CACNA1G: variants seen among roughly 807,000 people sequenced by gnomAD.
CACNA1G encodes voltage-dependent T-type calcium channel subunit alpha-1G.
In CACNA1G, 67 loss-of-function variants were observed where a neutral mutation model predicts 219.4. The ratio of observed to expected loss-of-function variants is 0.31; its 90% confidence interval spans 0.25 to 0.37. The LOEUF (loss-of-function observed/expected upper bound fraction) is 0.37. CACNA1G is among the 10% of genes least tolerant of loss of function. The pLI is 1.00. For missense variants in CACNA1G, 2,380 were observed against 3,231.4 expected (o/e 0.74, Z 6.39); for synonymous variants, 1,296 against 1,345.3 (o/e 0.96, Z 0.80).
At chr17:50,602,064 C>T (rs937932427) in intron 19 of CACNA1G, among the ~76,000 whole-genome samples, 1 of 152,164 alleles carries the variant, frequency 6.6e-6, no homozygotes, top group African/African-American at 2.4e-5. Flanking sequence ...AAGGCAGGGG[C>T]GCTGGCTGCA....
Position 50,596,891 on chromosome 17 carries a change from G to T in CACNA1G, c.3226G>T (p.Glu1076Ter). 1 of 1,582,114 alleles carries T rather than the reference G, an allele frequency of 6.3e-7. No individual in the cohort carries two copies. The highest frequency in any genetic ancestry group is 1.1e-5 in the South Asian group (1 of 87,390). ...CCGCACCAGCAGCAGCGGGTCGGCAGAGCCTGGGGCGGCCCACGAGATGAA... is the reference window on the plus strand; with the variant it reads ...CCGCACCAGCAGCAGCGGGTCGGCATAGCCTGGGGCGGCCCACGAGATGAA... The part of the protein sequence containing the change: ...SRRTSSSGSA[E>*]PGAAHEMKSP... The change falls in exon 16 of 38, where the codon GAG becomes TAG. Residue 1076 changes from glutamate to a stop codon, truncating the protein, a stop_gained. Coordinates refer to ENST00000359106, the MANE Select transcript of CACNA1G (RefSeq NM_018896.5). LOFTEE classifies it high-confidence loss of function. This position sits in a 1 kb window ranked among gnomAD's most constrained non-coding sequence, Gnocchi z 4.8.
At chr17:50,622,628 G>A (rs1052768459) in intron 35 of CACNA1G, among the ~76,000 whole-genome samples, 2 of 152,274 alleles carry the variant, frequency 1.3e-5, no homozygotes, top group East Asian at 3.9e-4. Context: ...CCTGCATGGC[G>A]ACAGGGCCCC....
In CACNA1G at chr17:50,618,523, G is replaced by GC. The variant is rs920072438; in HGVS notation, c.5428-127dup. 1.9e-6 allele frequency: 2 copies of GC among 1,042,886 alleles called. No individual in the cohort carries two copies. The highest frequency in any genetic ancestry group is 1.6e-5 in the African/African-American group (1 of 63,698). The allele number at this position is 1,042,886 out of a possible 1,614,324, so 64.6% of individuals were successfully genotyped here. On this transcript the variant is annotated intron_variant, in intron 32 of 37. Coordinates refer to ENST00000359106, the MANE Select transcript of CACNA1G (RefSeq NM_018896.5). This position sits in a 1 kb window ranked among gnomAD's most constrained non-coding sequence, Gnocchi z 5.3. ...TGACTCACACTTGTAGTGCTCCTCTGCCCCCAAACACTCCCTCCTCCTCCC... is the reference window on the plus strand; with the variant it reads ...TGACTCACACTTGTAGTGCTCCTCTGCCCCCCAAACACTCCCTCCTCCTCCC...
intron 9 of CACNA1G, among the ~76,000 whole-genome samples, chr17:50,584,306 T>C (rs2042576872): frequency 6.6e-6 from 1 of 151,932 alleles, no homozygotes; most frequent in African/African-American, 2.4e-5. Context: ...GACTGAACTC[T>C]GAGGAATGCT....
At chr17:50,595,530 G>A (rs2045365410) in intron 14 of CACNA1G, among the ~76,000 whole-genome samples, 1 of 152,228 alleles carries the variant, frequency 6.6e-6, no homozygotes, top group Non-Finnish European at 1.5e-5. Flanking sequence ...TCTCAGCTCA[G>A]GACAAGTCCT....
chr17:50,574,405 G>A (rs750747544), intron 7 of CACNA1G, among the ~76,000 whole-genome samples: 4 of 152,260 alleles, frequency 2.6e-5, no homozygotes, highest in Non-Finnish European at 5.9e-5. Flanking sequence ...GAAAGAGCAA[G>A]TCCCCAAGGC....
intron 1 of CACNA1G, among the ~76,000 whole-genome samples, chr17:50,567,765 G>T (rs943115390): frequency 6.6e-6 from 1 of 152,148 alleles, no homozygotes; most frequent in Admixed American, 6.5e-5. Context: ...TTAACCGTGA[G>T]TCCAGTGCCT....
intron 19 of CACNA1G, among the ~76,000 whole-genome samples, chr17:50,601,642 T>C (rs1568119236): frequency 6.6e-6 from 1 of 152,184 alleles, no homozygotes. Context: ...TCACTTCTGC[T>C]TGGCTGCGAA....
intron 9 of CACNA1G, among the ~76,000 whole-genome samples, chr17:50,584,515 T>G (rs2042613741): frequency 6.6e-6 from 1 of 151,634 alleles, no homozygotes; most frequent in African/African-American, 2.4e-5. Flanking sequence ...CACAGAAGCT[T>G]TCTGCTTTTA....
intron 9 of CACNA1G, among the ~76,000 whole-genome samples, chr17:50,580,260 TGGCAGTGGGGGGTG>T (rs2041658382): frequency 6.6e-6 from 1 of 152,102 alleles, no homozygotes. Flanking sequence ...GCCAGATTGG[TGGCAGTGGGGGGTG>T]GGCAGCATTT....
chr17:50,564,125 AGTGTGTGTGTGTGTGT>A (rs67152102), intron 1 of CACNA1G, among the ~76,000 whole-genome samples: 1 of 138,610 alleles, frequency 7.2e-6, no homozygotes, highest in South Asian at 2.3e-4. Context: ...CCAGGTAGGA[AGTGTGTGTGTGTGTGT>A]GTGTGTGTGT....
chr17:50,591,781 G>A lies in CACNA1G; in HGVS notation c.2682G>A (p.Glu894=), dbSNP rs771818795. The A allele has an allele frequency of 3.1e-6, 5 of 1,613,978 alleles. No individual in the cohort carries two copies. The highest frequency in any genetic ancestry group is 4.2e-6 in the Non-Finnish European group (5 of 1,179,888). Reference sequence around the variant, plus strand: ...TCTTCGGCTGCAAGTTTGCCTCTGAGCGGGATGGGGACACCCTGCCAGACC... The same window carrying A: ...TCTTCGGCTGCAAGTTTGCCTCTGAACGGGATGGGGACACCCTGCCAGACC... The part of the protein sequence containing the change: ...MHLFGCKFAS[E]RDGDTLPDRK... The change falls in exon 12 of 38, where the codon GAG becomes GAA. Residue 894 remains glutamate (E), a synonymous_variant. Transcript: ENST00000359106.
In CACNA1G at chr17:50,601,139, G is replaced by C. The variant is rs761026354; in HGVS notation, c.3880G>C (p.Ala1294Pro). The C allele has an allele frequency of 6.2e-7, 1 of 1,613,820 alleles. No individual in the cohort carries two copies. Among genetic ancestry groups the C allele is most frequent in the Non-Finnish European group, 8.5e-7 (1 of 1,179,862 alleles). ...CATCTTCCTTAACTGCATCACCATC[G>C]CCATGGAGCGCCCCAAAATTGACCC... ...VIIFLNCITI[A>P]MERPKIDPHS... The change falls in exon 19 of 38, where the codon GCC (alanine) becomes CCC (proline). Residue 1294 changes from alanine (A) to proline (P), a missense_variant. Physicochemically the swap from Ala to Pro is conservative, Grantham distance 27. This residue lies in a region of CACNA1G where 153 missense variants were observed against 374.9 expected (regional missense o/e 0.41). Coordinates refer to ENST00000359106, the MANE Select transcript of CACNA1G (RefSeq NM_018896.5).
At chr17:50,616,490 C>T in intron 28 of CACNA1G, 106 bp downstream of exon 28, 1 of 668,056 alleles carries the variant, frequency 1.5e-6, no homozygotes, top group South Asian at 2.1e-5. Flanking sequence ...TTTCTTAATT[C>T]CTGAGGTTCA....
chr17:50,612,539 C>T lies in CACNA1G; in HGVS notation c.4759+2604C>T, dbSNP rs528672466. ...TTCCACCAGGCCGGGACCCAGTGAT[C>T]AGGCCTGGCCACGGCAGCTGAAGGT... On this transcript the variant is annotated intron_variant, in intron 26 of 37. Coordinates refer to ENST00000359106, the MANE Select transcript of CACNA1G (RefSeq NM_018896.5). Among the ~76,000 whole-genome samples, 4 of 152,352 alleles carry T rather than the reference C, an allele frequency of 2.6e-5. No individual in the cohort carries two copies. In the East Asian group the frequency reaches 7.7e-4, roughly 29 times the overall value.
At chr17:50,585,249 G>C (rs982606428) in intron 9 of CACNA1G, among the ~76,000 whole-genome samples, 1 of 152,118 alleles carries the variant, frequency 6.6e-6, no homozygotes, top group Non-Finnish European at 1.5e-5. Flanking sequence ...GGGCTCAAGC[G>C]ATCCTCCCAC....
chr17:50,599,993 C>T, intron 17 of CACNA1G, 134 bp downstream of exon 17: 1 of 866,064 alleles, frequency 1.2e-6, no homozygotes, highest in Non-Finnish European at 1.7e-6. Context: ...AAACCGAGCT[C>T]CAAACAATCC....
chr17:50,617,672 G>T lies in CACNA1G; in HGVS notation c.5155+101G>T. 6.8e-7 allele frequency: 1 copy of T among 1,479,074 alleles called. No individual in the cohort carries two copies. The highest frequency in any genetic ancestry group is 9.2e-7 in the Non-Finnish European group (1 of 1,090,954). The allele number at this position is 1,479,074 out of a possible 1,614,324, so 91.6% of individuals were successfully genotyped here. The stretch of plus-strand genomic sequence containing the variant: ...CTGGTCAAGGCCTGGGCGGCTGTGG[G>T]TTCCCATGGGTCTTTCTCCCAGCTT... On this transcript the variant is annotated intron_variant, in intron 29 of 37. Transcript: ENST00000359106. The surrounding 1 kb of genome is among the most constrained non-coding windows in gnomAD (Gnocchi z 5.8).
In CACNA1G at chr17:50,626,731, C is replaced by G; in HGVS notation, c.7114C>G (p.Pro2372Ala). ...VLSLSGLSSD[P>A]ADLDP ...GAGTCTCTCCGGTTTATCCTCTGACCCAGCAGACCTGGACCCCTGAGTCCT... is the reference window on the plus strand; with the variant it reads ...GAGTCTCTCCGGTTTATCCTCTGACGCAGCAGACCTGGACCCCTGAGTCCT... The change falls in exon 38 of 38, where the codon CCA becomes GCA. Residue 2372 changes from proline to alanine, a missense_variant. Coordinates refer to ENST00000359106, the MANE Select transcript of CACNA1G (RefSeq NM_018896.5). The surrounding 1 kb of genome is among the most constrained non-coding windows in gnomAD (Gnocchi z 4.3). The G allele has an allele frequency of 3.1e-6, 5 of 1,613,244 alleles. No homozygotes were observed. Among genetic ancestry groups the G allele is most frequent in the Non-Finnish European group, 4.2e-6 (5 of 1,179,892 alleles).
Sources: gnomAD v4.1 joint callset for allele counts (sites outside exome capture counted in the v4.1 genomes callset) on GRCh38, gnomAD v4.1.1 for gene constraint, gnomAD v4.1.1 regional missense constraint, Gnocchi (gnomAD v3.1) non-coding constraint, MANE v1.5 for transcripts, NCBI Gene and HGNC (gene_info 2026-07-23, HGNC 2026-07-21) for gene names.